PAX2: variants seen among roughly 807,000 people sequenced by gnomAD.
PAX2 encodes paired box protein Pax-2.
A neutral mutation model predicts 41.7 loss-of-function variants in PAX2; 9 were observed. The ratio of observed to expected loss-of-function variants is 0.22; its 90% CI spans 0.13 to 0.38. The LOEUF is 0.38. Ranked by LOEUF, PAX2 falls within the 10% of genes least tolerant of loss-of-function variation. The pLI, the probability that PAX2 is intolerant of heterozygous loss-of-function variation, is 1.00. For missense variants in PAX2, 418 were observed against 531.6 expected (o/e 0.79, Z 2.10); for synonymous variants, 221 against 212.7 (o/e 1.04, Z -0.34).
intron 5 of PAX2, among the ~76,000 whole-genome samples, chr10:100,799,789 CTTTTTTTTTTTTT>C (rs56012188): frequency 2.2e-5 from 2 of 89,910 alleles, no homozygotes; most frequent in East Asian, 8.5e-4. Context: ...TAGTGTAATT[CTTTTTTTTTTTTT>C]TTTTTTTTCT....
Position 100,791,697 on chromosome 10 carries a change from T to A in PAX2, c.616+10332T>A, listed in dbSNP as rs1324275555. ...CAGATCTCCCTCGGCCCAGGCAGCC[T>A]GGGAAGCCTGGGATGGAGGGATGGG... is the stretch of plus-strand genomic sequence containing the variant. On this transcript the variant is annotated intron_variant, in intron 5 of 9. Coordinates refer to ENST00000355243, the MANE Select transcript of PAX2 (RefSeq NM_000278.5). The surrounding 1 kb of genome is among the most constrained non-coding windows in gnomAD (Gnocchi z 4.5). 6.6e-6 allele frequency among the ~76,000 whole-genome samples: 1 copy of A among 152,074 alleles called. No homozygotes were observed. The highest frequency in any genetic ancestry group is 1.9e-4 in the East Asian group (1 of 5,180).
intron 3 of PAX2, among the ~76,000 whole-genome samples, chr10:100,766,642 G>A (rs1237064733): frequency 1.3e-5 from 2 of 152,182 alleles, no homozygotes; most frequent in African/African-American, 4.8e-5. Flanking sequence ...CTTCCAAGAA[G>A]AATAGAATCG....
chr10:100,780,069 C>T (rs552992242), intron 4 of PAX2, among the ~76,000 whole-genome samples: 43 of 152,264 alleles, frequency 2.8e-4, no homozygotes, highest in African/African-American at 9.9e-4. Flanking sequence ...TTTTCTCCCT[C>T]TGCCCTTCCC....
At chr10:100,809,748 C>G (rs1480231220) in intron 7 of PAX2, among the ~76,000 whole-genome samples, 1 of 152,192 alleles carries the variant, frequency 6.6e-6, no homozygotes, top group African/African-American at 2.4e-5. Flanking sequence ...GAGATGAGTA[C>G]AATTATTCCA....
intron 3 of PAX2, among the ~76,000 whole-genome samples, chr10:100,759,080 G>A (rs1385114667): frequency 1.3e-5 from 2 of 152,180 alleles, no homozygotes; most frequent in East Asian, 1.9e-4. Context: ...GCACATGGCT[G>A]AGCAGGAAAT....
chr10:100,748,369 C>A lies in PAX2; in HGVS notation c.44-1377C>A. On this transcript the variant is annotated intron_variant, in intron 1 of 9. Transcript: ENST00000355243. The surrounding 1 kb of genome is among the most constrained non-coding windows in gnomAD (Gnocchi z 5.0). ...GGTAAAAGAAGGGGCTTCAGTCTCT[C>A]CCAGCAACGCGATCAGAGGTCTTTC... 1 of 984,060 alleles carries A rather than the reference C, an allele frequency of 1.0e-6. No individual in the cohort carries two copies. Among genetic ancestry groups the A allele is most frequent in the Non-Finnish European group, 1.2e-6 (1 of 829,154 alleles). 61.0% of individuals were successfully genotyped at this position (984,060 alleles called of 1,614,324 possible).
At chr10:100,800,305 G>T (rs1462651593) in intron 5 of PAX2, among the ~76,000 whole-genome samples, 2 of 119,134 alleles carry the variant, frequency 1.7e-5, no homozygotes, top group African/African-American at 3.5e-5. Context: ...TTTGAGACAG[G>T]GTCTCACTCT....
chr10:100,769,383 T>C (rs1846129909), intron 3 of PAX2, among the ~76,000 whole-genome samples: 1 of 152,134 alleles, frequency 6.6e-6, no homozygotes, highest in African/African-American at 2.4e-5. Flanking sequence ...ATCCCAGCAC[T>C]TTGGGAGGCT....
intron 3 of PAX2, among the ~76,000 whole-genome samples, chr10:100,766,883 C>T (rs1217770901): frequency 6.6e-6 from 1 of 152,158 alleles, no homozygotes; most frequent in African/African-American, 2.4e-5. Flanking sequence ...TTAACCTAAT[C>T]TCTGAGACAT....
intron 5 of PAX2, among the ~76,000 whole-genome samples, chr10:100,790,225 G>A (rs561440424): frequency 3.9e-5 from 6 of 152,282 alleles, no homozygotes; most frequent in South Asian, 2.1e-4. Context: ...CACCCTACCA[G>A]GAGAGAATAT....
rs547127232 is a variant in PAX2 at position 100,799,954 on chromosome 10, T to C, written c.617-6476T>C. On this transcript the variant is annotated intron_variant, in intron 5 of 9. Coordinates refer to ENST00000355243, the MANE Select transcript of PAX2 (RefSeq NM_000278.5). ...GCGCCCACCACTACACCCAGCTAAT[T>C]TTTTGTATTTTTAGTAGAGATGGGG... is the stretch of plus-strand genomic sequence containing the variant. Among the ~76,000 whole-genome samples, 221 of 151,866 alleles carry C rather than the reference T, an allele frequency of 1.5e-3. 1 individual carries two copies. The highest frequency in any genetic ancestry group is 4.9e-3 in the African/African-American group (204 of 41,406).
chr10:100,827,549 C>T lies in PAX2; in HGVS notation c.1115C>T (p.Pro372Leu), dbSNP rs765466512. 3 of 1,613,760 alleles carry T rather than the reference C, an allele frequency of 1.9e-6. No individual in the cohort carries two copies. Among genetic ancestry groups the T allele is most frequent in the East Asian group, 2.2e-5 (1 of 44,884 alleles). Residue 372 changes from proline (P) to leucine (L), a missense_variant, in exon 10 of 10, where the codon CCT becomes CTT. Pro to Leu is a moderately conservative substitution (Grantham distance 98). Transcript: ENST00000355243. This position sits in a 1 kb window ranked among gnomAD's most constrained non-coding sequence, Gnocchi z 8.5. The stretch of plus-strand genomic sequence containing the variant: ...CTCCTGTGTTAACTTCCAGGTTCCC[C>T]TTATTATTATAGTGCCGCCCCCCGG... ...RFSNPALLSSPYYYSAAPRGS... is the reference protein window; with the variant it reads ...RFSNPALLSSLYYYSAAPRGS...
Position 100,748,855 on chromosome 10 carries a change from C to T in PAX2, c.44-891C>T. 2 of 985,436 alleles carry T rather than the reference C, an allele frequency of 2.0e-6. No homozygotes were observed. The highest frequency in any genetic ancestry group is 2.4e-6 in the Non-Finnish European group (2 of 829,942). The allele number at this position is 985,436 out of a possible 1,614,324, so 61.0% of individuals were successfully genotyped here. A position where few individuals can be genotyped will look rare whatever the true frequency, so the allele number is the denominator to read the frequency against. ...TTTGGGTCGGCTACACAGGGCGCCC[C>T]GAGAGTTATTAACTCGCCAGCGAGG... is the stretch of plus-strand genomic sequence containing the variant. On this transcript the variant is annotated intron_variant, in intron 1 of 9. Transcript: ENST00000355243. The surrounding 1 kb of genome is among the most constrained non-coding windows in gnomAD (Gnocchi z 5.0).
rs945349007 is a variant in PAX2, at chr10:100,745,960, A to T, written c.-301A>T. On this transcript the variant is annotated 5_prime_UTR_variant, in exon 1 of 10. An upstream start codon of the reference 5' UTR is lost. Coordinates refer to ENST00000355243, the MANE Select transcript of PAX2 (RefSeq NM_000278.5). Reference sequence around the variant, plus strand: ...CCTGGCTGCAGCTGCAGCGCGAGCCATGCGCCCCCAGTGCACCCCGGCCCG... The same window carrying T: ...CCTGGCTGCAGCTGCAGCGCGAGCCTTGCGCCCCCAGTGCACCCCGGCCCG... 1 of 1,277,898 alleles carries T rather than the reference A, an allele frequency of 7.8e-7. No individual in the cohort carries two copies. Among genetic ancestry groups the T allele is most frequent in the East Asian group, 3.5e-5 (1 of 28,186 alleles). The allele number at this position is 1,277,898 out of a possible 1,614,324, so 79.2% of individuals were successfully genotyped here. A position where few individuals can be genotyped will look rare whatever the true frequency, so the allele number is the denominator to read the frequency against.
upstream of PAX2, among the ~76,000 whole-genome samples, chr10:100,742,842 C>CTTTT (rs1845013838): frequency 1.4e-5 from 1 of 70,302 alleles, no homozygotes; most frequent in African/African-American, 5.1e-5. Flanking sequence ...CTTCTTTCTT[C>CTTTT]CTTTTTTTTT....
intron 3 of PAX2, among the ~76,000 whole-genome samples, chr10:100,755,017 GC>G (rs1286537166): frequency 6.6e-6 from 1 of 152,200 alleles, no homozygotes; most frequent in Non-Finnish European, 1.5e-5. Flanking sequence ...AGCAGATTGG[GC>G]CCACAAATAG....
At chr10:100,787,069 G>C in intron 5 of PAX2, 1 of 1,014,486 alleles carries the variant, frequency 9.9e-7, no homozygotes, top group Non-Finnish European at 1.4e-6. Context: ...TGGGGGTGGC[G>C]GTTAGAGAAC....
At chr10:100,815,313 T>C (rs189637299) in intron 7 of PAX2, among the ~76,000 whole-genome samples, 1 of 152,204 alleles carries the variant, frequency 6.6e-6, no homozygotes, top group East Asian at 1.9e-4. Flanking sequence ...AAGCCCCTGA[T>C]TAGCTAGAGG....
At chr10:100,749,175 T>C (rs542010007) in intron 1 of PAX2, 11 of 986,010 alleles carry the variant, frequency 1.1e-5, no homozygotes, top group South Asian at 4.7e-5. Context: ...CGATTACAAT[T>C]TAATACTTTT....
Sources: allele counts gnomAD v4.1 joint callset (sites outside exome capture counted in the v4.1 genomes callset), GRCh38; gene constraint gnomAD v4.1.1; non-coding constraint Gnocchi (gnomAD v3.1); transcripts MANE v1.5; gene names NCBI Gene and HGNC (gene_info 2026-07-23, HGNC 2026-07-21).